The following IL17RD variants were observed in gnomAD, a reference collection of about 807,000 sequenced individuals.
IL17RD encodes the protein interleukin 17 receptor D.
IL17RD carries 52 observed loss-of-function variants against 80.5 expected under a neutral mutation model. That is an observed-to-expected ratio of 0.65 (90% CI 0.52 to 0.81). IL17RD has a LOEUF of 0.81. IL17RD is among the 40% of genes least tolerant of loss of function. IL17RD has a pLI of 0.00. For synonymous variants in IL17RD, 416 were observed against 391.8 expected, an observed-to-expected ratio of 1.06 and a Z score of -0.73; for missense variants, 1,024 against 955.1, an observed-to-expected ratio of 1.07 and a Z score of -0.95.
At position 57,165,225 on chromosome 3, in the gene IL17RD, G is replaced by A. The variant is rs1047126275; in HGVS notation, c.62C>T (p.Ser21Leu). 1.4e-5 allele frequency: 21 copies of A among 1,531,602 alleles called. No homozygotes were observed. The East Asian group carries it at 4.4e-4, about 32-fold the overall frequency. The allele number at this position is 1,531,602 out of a possible 1,614,324, so 94.9% of individuals were successfully genotyped here. A position where few individuals can be genotyped will look rare whatever the true frequency, so the allele number is the denominator to read the frequency against. ...FFTVNACLNG[S>L]QLAVAAGGSG... ...CCCGCCAGCGGCCACAGCCAGCTGCGAGCCGTTGAGGCAGGCGTTGACCGT... is the reference window on the plus strand; with the variant it reads ...CCCGCCAGCGGCCACAGCCAGCTGCAAGCCGTTGAGGCAGGCGTTGACCGT... Residue 21 changes from serine to leucine, a missense_variant, in exon 1 of 13, where the codon TCG becomes TTG. Transcript: ENST00000296318.
At position 57,127,352 on chromosome 3, in the gene IL17RD, AT is replaced by A. The variant is rs1428232681; in HGVS notation, c.127-7040del. Reference sequence around the variant, plus strand: ...AATATATATAAAAATATATATAAATATATATAAATATAAATATATATATATA... The same window carrying A: ...AATATATATAAAAATATATATAAATAATATAAATATAAATATATATATATA... On this transcript the variant is annotated intron_variant, in intron 1 of 12. Transcript: ENST00000296318. 4.5e-3 allele frequency among the ~76,000 whole-genome samples: 469 copies of A among 104,466 alleles called. 24 individuals are homozygous for A. Among genetic ancestry groups the A allele is most frequent in the African/African-American group, 0.022 (447 of 20,014 alleles). The allele number at this position is 104,466 out of a possible 152,430, so 68.5% of individuals were successfully genotyped here.
At chr3:57,114,595 A>C in intron 3 of IL17RD, 97 bp downstream of exon 3, 1 of 1,207,054 alleles carries the variant, frequency 8.3e-7, no homozygotes. Flanking sequence ...CACTCACATC[A>C]AGACCTGCCT....
rs372347356 is a variant in IL17RD, at chr3:57,098,040, C to T, written c.1663G>A (p.Glu555Lys). The T allele has an allele frequency of 5.0e-6, 8 of 1,613,974 alleles. No homozygotes were observed. Among genetic ancestry groups the T allele is most frequent in the African/African-American group, 2.7e-5 (2 of 75,036 alleles). ...AICNMHQFIDEEPDWFEKQFV... is the reference protein window; with the variant it reads ...AICNMHQFIDKEPDWFEKQFV... Reference sequence around the variant, plus strand: ...TGCTTTTCGAACCAGTCGGGCTCCTCGTCAATAAACTGGTGCATGTTGCAA... The same window carrying T: ...TGCTTTTCGAACCAGTCGGGCTCCTTGTCAATAAACTGGTGCATGTTGCAA... The change falls in exon 12 of 13, where the codon GAG becomes AAG. Residue 555 changes from glutamate (E) to lysine (K), a missense_variant. Transcript: ENST00000296318.
Position 57,106,101 on chromosome 3 carries a change from A to G in IL17RD, c.595+9T>C, listed in dbSNP as rs1706959298. On this transcript the variant is annotated intron_variant, in intron 6 of 12. Transcript: ENST00000296318. ...TTGAGACTTGATAGATAAGAACACT[A>G]TTACTTACAGGGTTTACAAGCTAGA... 8.1e-6 allele frequency: 13 copies of G among 1,611,584 alleles called. No individual in the cohort carries two copies. The highest frequency in any genetic ancestry group is 1.1e-5 in the Non-Finnish European group (13 of 1,177,846).
chr3:57,105,552 A>AAAAAAAAAAAAAT, intron 7 of IL17RD, among the ~76,000 whole-genome samples: 706 of 63,490 alleles, frequency 0.011, 83 homozygotes, highest in Middle Eastern at 0.061. Context: ...AAAAAAAAAA[A>AAAAAAAAAAAAAT]ATATATATAT....
intron 1 of IL17RD, among the ~76,000 whole-genome samples, chr3:57,143,244 A>T (rs1021526061): frequency 1.3e-5 from 2 of 152,138 alleles, no homozygotes; most frequent in African/African-American, 4.8e-5. Context: ...GCCACCTTAC[A>T]CCAGGATGGA....
intron 1 of IL17RD, among the ~76,000 whole-genome samples, chr3:57,148,463 G>A (rs893113867): frequency 1.3e-5 from 2 of 152,148 alleles, no homozygotes; most frequent in South Asian, 2.1e-4. Flanking sequence ...CATAGCTCAC[G>A]AAATTTTTTG....
intron 1 of IL17RD, among the ~76,000 whole-genome samples, chr3:57,131,484 T>G (rs1357912214): frequency 6.6e-6 from 1 of 152,232 alleles, no homozygotes; most frequent in African/African-American, 2.4e-5. Context: ...CATGTGTTCA[T>G]GGACTGAAGT....
chr3:57,122,324 C>T (rs1461214973), intron 1 of IL17RD, among the ~76,000 whole-genome samples: 1 of 152,190 alleles, frequency 6.6e-6, no homozygotes, highest in Non-Finnish European at 1.5e-5. Flanking sequence ...TACCTCAATC[C>T]TCCCATCCTC....
At chr3:57,146,782 T>C (rs1707939822) in intron 1 of IL17RD, among the ~76,000 whole-genome samples, 1 of 146,824 alleles carries the variant, frequency 6.8e-6, no homozygotes, top group African/African-American at 2.5e-5. Context: ...AAAAAAATTA[T>C]ATAAACGTCA....
At chr3:57,136,110 G>T (rs565498089) in intron 1 of IL17RD, among the ~76,000 whole-genome samples, 1 of 152,294 alleles carries the variant, frequency 6.6e-6, no homozygotes, top group African/African-American at 2.4e-5. Context: ...GGCAAATCCA[G>T]GAAGCAGATA....
At chr3:57,142,680 C>T (rs1243224578) in intron 1 of IL17RD, 3 of 131,834 alleles carry the variant, frequency 2.3e-5, no homozygotes, top group South Asian at 3.0e-4. Context: ...AAAAGTTGGG[C>T]GGGGCGGGGG....
chr3:57,097,196 A>T (rs1201787886), intron 12 of IL17RD, among the ~76,000 whole-genome samples: 1 of 151,854 alleles, frequency 6.6e-6, no homozygotes, highest in Non-Finnish European at 1.5e-5. Flanking sequence ...AGACTCAATG[A>T]ATGTAGCTTT....
At chr3:57,149,002 A>T in intron 1 of IL17RD, among the ~76,000 whole-genome samples, 1 of 152,212 alleles carries the variant, frequency 6.6e-6, no homozygotes, top group East Asian at 1.9e-4. Context: ...AGATGGTGCT[A>T]TCTTTGGAGA....
rs918676556 is a variant in IL17RD, at chr3:57,097,728, G to T, written c.1975C>A (p.Pro659Thr). The T allele has an allele frequency of 6.2e-7, 1 of 1,602,866 alleles. No homozygotes were observed. Among genetic ancestry groups the T allele is most frequent in the East Asian group, 2.2e-5 (1 of 44,654 alleles). The change falls in exon 12 of 13, where the codon CCG (proline) becomes ACG (threonine). Residue 659 changes from proline to threonine, a missense_variant. Coordinates refer to ENST00000296318, the MANE Select transcript of IL17RD (RefSeq NM_017563.5). ...GAGTCATAGATGCCTGAGTCCCGCG[G>T]CATGTCCGAGGGGCTGCCGGCTTTC... ...TVKAGSPSDM[P>T]RDSGIYDSSV... is the part of the protein sequence containing the mutation.
upstream of IL17RD, chr3:57,169,331 C>T (rs1487426905): frequency 2.1e-6 from 1 of 486,952 alleles, no homozygotes; most frequent in East Asian, 5.9e-5. Flanking sequence ...CCATGCCTAG[C>T]ACTCTGTCTG....
chr3:57,124,305 G>A (rs1225769137), intron 1 of IL17RD, among the ~76,000 whole-genome samples: 3 of 152,164 alleles, frequency 2.0e-5, no homozygotes, highest in Non-Finnish European at 4.4e-5. Flanking sequence ...CCCAGAACCT[G>A]TGAGTATGCT....
At chr3:57,143,854 C>T (rs1327834648) in intron 1 of IL17RD, among the ~76,000 whole-genome samples, 3 of 152,152 alleles carry the variant, frequency 2.0e-5, no homozygotes, top group African/African-American at 7.2e-5. Context: ...GTCAGCTTCA[C>T]GTTTCCAAAT....
chr3:57,097,764 G>T lies in IL17RD; in HGVS notation c.1939C>A (p.Leu647Met), dbSNP rs771445233. Residue 647 changes from leucine (L) to methionine (M), a missense_variant, in exon 12 of 13, where the codon CTG (leucine) becomes ATG (methionine). Leu to Met is a conservative substitution (Grantham distance 15). Transcript: ENST00000296318. ...LDGSAALQPLLHTVKAGSPSD... is the reference protein window; with the variant it reads ...LDGSAALQPLMHTVKAGSPSD... ...GGGCTGCCGGCTTTCACCGTGTGCA[G>T]CAGGGGTTGCAGGGCGGCGCTACCG... is the stretch of plus-strand genomic sequence containing the variant. The T allele has an allele frequency of 1.2e-6, 2 of 1,602,680 alleles. No homozygotes were observed. The highest frequency in any genetic ancestry group is 2.2e-5 in the South Asian group (2 of 88,990).
Sources: gnomAD v4.1 joint callset for allele counts (sites outside exome capture counted in the v4.1 genomes callset) on GRCh38, gnomAD v4.1.1 for gene constraint, MANE v1.5 for transcripts, NCBI Gene and HGNC (gene_info 2026-07-23, HGNC 2026-07-21) for gene names.